Variants in SLC35F1 observed in about 807,000 individuals in gnomAD.
SLC35F1 encodes the protein chromosome 6 open reading frame 169.
In SLC35F1, 14 loss-of-function variants were observed where a neutral mutation model predicts 48.7. That is an observed-to-expected ratio of 0.29 (90% CI 0.19 to 0.45). The LOEUF is 0.45. Among genes scored for constraint, SLC35F1 ranks in the 20% least tolerant of loss-of-function variants. SLC35F1 has a pLI of 1.00. For missense variants in SLC35F1, 404 were observed against 500.0 expected (o/e 0.81, Z 1.83); for synonymous variants, 190 against 202.2 (o/e 0.94, Z 0.51).
At chr6:118,254,593 C>G (rs189663596) in intron 3 of SLC35F1, among the ~76,000 whole-genome samples, 80 of 152,246 alleles carry the variant, frequency 5.3e-4, no homozygotes, top group African/African-American at 1.9e-3. Flanking sequence ...TTGCGGTTTT[C>G]TAACGAAACC....
intron 7 of SLC35F1, among the ~76,000 whole-genome samples, chr6:118,299,489 A>C (rs1183564981): frequency 6.6e-6 from 1 of 152,198 alleles, no homozygotes; most frequent in Non-Finnish European, 1.5e-5. Flanking sequence ...AATATATGGA[A>C]TTGCAGAACC....
chr6:118,023,432 G>A (rs996256142), intron 1 of SLC35F1, among the ~76,000 whole-genome samples: 1 of 152,134 alleles, frequency 6.6e-6, no homozygotes, highest in Non-Finnish European at 1.5e-5. Flanking sequence ...ATGGGGATTG[G>A]CAGAATATAA....
At chr6:118,227,438 G>A (rs1393011689) in intron 2 of SLC35F1, among the ~76,000 whole-genome samples, 18 of 152,136 alleles carry the variant, frequency 1.2e-4, no homozygotes, top group Non-Finnish European at 1.5e-5. Context: ...GAAGAAATGT[G>A]TCTGTTAAAA....
At chr6:118,281,198 CTCTCTCTA>C (rs891110956) in intron 6 of SLC35F1, among the ~76,000 whole-genome samples, 21 of 121,986 alleles carry the variant, frequency 1.7e-4, no homozygotes, top group African/African-American at 4.3e-4. Flanking sequence ...CTCTCTCTCT[CTCTCTCTA>C]TATATATATA....
intron 1 of SLC35F1, among the ~76,000 whole-genome samples, chr6:118,090,549 A>T (rs986809247): frequency 6.6e-6 from 1 of 152,158 alleles, no homozygotes; most frequent in Non-Finnish European, 1.5e-5. Flanking sequence ...ACTTGAGTGA[A>T]AATTCTGTCT....
chr6:118,213,030 T>G (rs1775026492), intron 2 of SLC35F1, among the ~76,000 whole-genome samples: 1 of 152,166 alleles, frequency 6.6e-6, no homozygotes, highest in Admixed American at 6.5e-5. Context: ...CATCACATTA[T>G]TGTAAACATG....
chr6:117,975,916 C>T (rs1266088727), intron 1 of SLC35F1, among the ~76,000 whole-genome samples: 2 of 152,186 alleles, frequency 1.3e-5, no homozygotes, highest in African/African-American at 2.4e-5. Context: ...CACAGTACAT[C>T]GTACTCGCCA....
chr6:118,073,345 C>A (rs1210698598), intron 1 of SLC35F1, among the ~76,000 whole-genome samples: 2 of 152,174 alleles, frequency 1.3e-5, no homozygotes, highest in East Asian at 3.9e-4. Flanking sequence ...CCTTTGGAAG[C>A]TGCCAAAACT....
At chr6:117,999,292 G>A (rs1777049987) in intron 1 of SLC35F1, 5 of 1,596,088 alleles carry the variant, frequency 3.1e-6, no homozygotes, top group African/African-American at 2.7e-5. Context: ...AGCTTGGGAA[G>A]CGTGCTCTTG....
intron 1 of SLC35F1, among the ~76,000 whole-genome samples, chr6:117,996,014 T>C (rs1776983165): frequency 1.3e-5 from 2 of 152,228 alleles, no homozygotes; most frequent in African/African-American, 4.8e-5. Flanking sequence ...TTCCCATCTT[T>C]GTGGAAATAA....
intron 2 of SLC35F1, among the ~76,000 whole-genome samples, chr6:118,163,909 C>T (rs941280556): frequency 3.9e-5 from 6 of 152,238 alleles, no homozygotes; most frequent in Non-Finnish European, 8.8e-5. Context: ...ATCAAAGACT[C>T]AGCAGTTAGC....
intron 2 of SLC35F1, among the ~76,000 whole-genome samples, chr6:118,199,452 G>A (rs776179995): frequency 2.6e-5 from 4 of 152,098 alleles, no homozygotes; most frequent in Non-Finnish European, 5.9e-5. Context: ...TTATATGAAC[G>A]TGTCATGATT....
chr6:118,085,468 CT>C (rs1234923521), intron 1 of SLC35F1, among the ~76,000 whole-genome samples: 33 of 70,070 alleles, frequency 4.7e-4, no homozygotes, highest in African/African-American at 9.2e-4. Flanking sequence ...ATAGTTTTCT[CT>C]TTTTTTTTCT....
chr6:118,035,682 AT>A (rs745704672), intron 1 of SLC35F1, among the ~76,000 whole-genome samples: 1,710 of 87,278 alleles, frequency 0.02, 7 homozygotes, highest in African/African-American at 0.073. Flanking sequence ...GGCTTTGTTA[AT>A]TTTTTTTTTT....
At chr6:118,199,943 T>A (rs1426857475) in intron 2 of SLC35F1, among the ~76,000 whole-genome samples, 1 of 152,194 alleles carries the variant, frequency 6.6e-6, no homozygotes, top group African/African-American at 2.4e-5. Context: ...ATTTGACAAC[T>A]AAATCTTTTT....
chr6:117,985,843 TA>T (rs1479673304), intron 1 of SLC35F1, among the ~76,000 whole-genome samples: 2 of 152,244 alleles, frequency 1.3e-5, no homozygotes, highest in African/African-American at 4.8e-5. Context: ...GTCTTAAAGT[TA>T]GGCCTCCTTT....
chr6:118,295,818 A>T (rs1776176560), intron 7 of SLC35F1, among the ~76,000 whole-genome samples: 2 of 152,180 alleles, frequency 1.3e-5, no homozygotes, highest in African/African-American at 4.8e-5. Context: ...AATACTTTTT[A>T]AAGTATTGCT....
chr6:118,230,233 G>A (rs1271158354), intron 2 of SLC35F1, among the ~76,000 whole-genome samples: 1 of 151,958 alleles, frequency 6.6e-6, no homozygotes, highest in Non-Finnish European at 1.5e-5. Context: ...CCAGCCACTC[G>A]GGAGGCTGAG....
chr6:118,079,573 C>A (rs922231746), intron 1 of SLC35F1, among the ~76,000 whole-genome samples: 5 of 152,080 alleles, frequency 3.3e-5, no homozygotes, highest in Admixed American at 3.3e-4. Context: ...ACTTTTTACA[C>A]CCTTTAGAGA....
Sources: gnomAD v4.1 joint callset for allele counts (sites outside exome capture counted in the v4.1 genomes callset) on GRCh38, gnomAD v4.1.1 for gene constraint, MANE v1.5 for transcripts, NCBI Gene and HGNC (gene_info 2026-07-23, HGNC 2026-07-21) for gene names.